PFKFB3: variants seen among roughly 807,000 people sequenced by gnomAD.
PFKFB3 encodes 6-phosphofructo-2-kinase/fructose-2,6-biphosphatase 3.
Under a neutral mutation model 68.0 loss-of-function variants are expected in PFKFB3, and 33 were observed. The ratio of observed to expected loss-of-function variants is 0.49; its 90% CI spans 0.37 to 0.65. The LOEUF is 0.65. Among genes scored for constraint, PFKFB3 ranks in the 30% least tolerant of loss-of-function variants. The probability of loss-of-function intolerance (pLI) is 0.00; values close to 1 mark genes in which losing one functional copy is unlikely to be tolerated. For missense variants in PFKFB3, 586 were observed against 712.2 expected, an observed-to-expected ratio of 0.82 and a Z score of 2.02; for synonymous variants, 315 against 288.2, an observed-to-expected ratio of 1.09 and a Z score of -0.94.
the PFKFB3 span, among the ~76,000 whole-genome samples, chr10:6,302,361 A>AGT: frequency 2.9e-5 from 1 of 34,634 alleles, no homozygotes; most frequent in African/African-American, 8.5e-5. Context: ...GTGCCTGGCC[A>AGT]GTTTTTTTTT....
At chr10:6,285,942 A>G in the PFKFB3 span, among the ~76,000 whole-genome samples, 3 of 148,052 alleles carry the variant, frequency 2.0e-5, no homozygotes, top group Non-Finnish European at 3.0e-5. Context: ...ACGTTTTAAA[A>G]TCCATTCATC....
At chr10:6,205,002 G>A (rs1394141343) in intron 1 of PFKFB3, among the ~76,000 whole-genome samples, 1 of 152,206 alleles carries the variant, frequency 6.6e-6, no homozygotes, top group African/African-American at 2.4e-5. Flanking sequence ...CTCCAGGCTT[G>A]GATCCTGATC....
intron 1 of PFKFB3, among the ~76,000 whole-genome samples, chr10:6,191,879 G>T (rs1222023597): frequency 6.6e-6 from 1 of 152,016 alleles, no homozygotes; most frequent in South Asian, 2.1e-4. Flanking sequence ...CTCTTTAGCC[G>T]TTTCTCGTAG....
intron 1 of PFKFB3, among the ~76,000 whole-genome samples, chr10:6,167,097 G>A (rs1842166515): frequency 6.6e-6 from 1 of 152,224 alleles, no homozygotes; most frequent in South Asian, 2.1e-4. Context: ...TGGGATTACA[G>A]GCGTGAGCCA....
At chr10:6,176,477 C>T (rs889885772) in intron 1 of PFKFB3, among the ~76,000 whole-genome samples, 8 of 152,132 alleles carry the variant, frequency 5.3e-5, no homozygotes, top group Non-Finnish European at 1.2e-4. Flanking sequence ...GGCCCATCAT[C>T]GCTCACTGCA....
chr10:6,248,513 C>T (rs1038050490), intron 14 of PFKFB3, among the ~76,000 whole-genome samples: 14 of 151,430 alleles, frequency 9.2e-5, no homozygotes, highest in African/African-American at 3.4e-4. Flanking sequence ...TCTATAATCC[C>T]AGCTACTCGG....
At chr10:6,293,025 A>T in the PFKFB3 span, 2 of 322,140 alleles carry the variant, frequency 6.2e-6, no homozygotes, top group Non-Finnish European at 6.2e-6. Context: ...AGAAAGCCTC[A>T]CGTGCAGAAT....
chr10:6,225,194 T>G (rs755207135), intron 13 of PFKFB3: 1 of 456,294 alleles, frequency 2.2e-6, no homozygotes, highest in South Asian at 1.5e-5. Context: ...CTAGTACTAG[T>G]CAGACCTTTC....
chr10:6,193,837 G>C (rs1263748833), intron 1 of PFKFB3, among the ~76,000 whole-genome samples: 1 of 152,186 alleles, frequency 6.6e-6, no homozygotes, highest in Non-Finnish European at 1.5e-5. Flanking sequence ...ACCTTCTTAA[G>C]GGTGGGGGAG....
chr10:6,177,468 C>CTTTCTTTCTTTCTTTCTTTCTT lies in PFKFB3; in HGVS notation c.16+32474_16+32475insCTTTTTCTTTCTTTCTTTCTTT, dbSNP rs1564599981. Among the ~76,000 whole-genome samples the CTTTCTTTCTTTCTTTCTTTCTT allele has an allele frequency of 2.3e-4, 28 of 120,738 alleles. 1 individual carries two copies. In the South Asian group the frequency reaches 6.8e-3, roughly 29 times the overall value. The allele number at this position is 120,738 out of a possible 152,430, so 79.2% of individuals were successfully genotyped here. ...TCTTTCTTTCTTTCTTTCTTTCTTT[C>CTTTCTTTCTTTCTTTCTTTCTT]TTTCTTTCTTTCTTTCTTTTTCTTT... is the stretch of plus-strand genomic sequence containing the variant. On this transcript the variant is annotated intron_variant, in intron 1 of 14. Coordinates refer to the PFKFB3 transcript ENST00000379789.
the PFKFB3 span, among the ~76,000 whole-genome samples, chr10:6,310,882 A>G: frequency 6.6e-6 from 1 of 152,232 alleles, no homozygotes; most frequent in African/African-American, 2.4e-5. Flanking sequence ...CCCTAATAGT[A>G]TATCTGCATC....
At chr10:6,219,811 T>A (rs184399884) in intron 7 of PFKFB3, 118 bp downstream of exon 7, 4 of 1,082,546 alleles carry the variant, frequency 3.7e-6, no homozygotes, top group Non-Finnish European at 5.3e-6. Flanking sequence ...TTAAGACAGT[T>A]TTTTTTGTAG....
the PFKFB3 span, among the ~76,000 whole-genome samples, chr10:6,287,085 T>G: frequency 1.3e-5 from 2 of 151,998 alleles, no homozygotes; most frequent in Non-Finnish European, 2.9e-5. Flanking sequence ...TAATACTGTT[T>G]TTTTGTTTTG....
At chr10:6,311,546 C>T in the PFKFB3 span, among the ~76,000 whole-genome samples, 4 of 151,992 alleles carry the variant, frequency 2.6e-5, no homozygotes, top group East Asian at 1.9e-4. Flanking sequence ...GTCAGGAGCT[C>T]GAGACCAGCC....
rs868335229 is a variant in PFKFB3 at position 6,206,721 on chromosome 10, A to G, written c.76+3385A>G. ...GGCAGAGATGCTCCTCACTGCCTAG[A>G]TGGGATGGCGGCCAGGAAGAGGCGC... is the stretch of plus-strand genomic sequence containing the variant. On this transcript the variant is annotated intron_variant, in intron 1 of 14. Transcript: ENST00000379775. Among the ~76,000 whole-genome samples the G allele has an allele frequency of 5.1e-3, 771 of 149,934 alleles. 5 individuals carry two copies. Among genetic ancestry groups the G allele is most frequent in the Middle Eastern group, 0.032 (9 of 282 alleles).
intron 13 of PFKFB3, chr10:6,224,512 A>T (rs751888400): frequency 3.8e-6 from 2 of 530,018 alleles, no homozygotes; most frequent in South Asian, 1.6e-5. Context: ...ACAGGGTCTC[A>T]GTCTGTTCCC....
At chr10:6,150,942 G>T (rs1471807448) in intron 1 of PFKFB3, among the ~76,000 whole-genome samples, 1 of 152,068 alleles carries the variant, frequency 6.6e-6, no homozygotes, top group Admixed American at 6.5e-5. Flanking sequence ...GGAGATTGCA[G>T]TGAGCCAAGA....
the PFKFB3 span, among the ~76,000 whole-genome samples, chr10:6,259,680 G>A: frequency 2.0e-5 from 3 of 152,006 alleles, no homozygotes; most frequent in Non-Finnish European, 4.4e-5. Flanking sequence ...TAATTATTGA[G>A]TGACTCTCAT....
At chr10:6,206,948 T>C (rs531076592) in intron 1 of PFKFB3, among the ~76,000 whole-genome samples, 2,765 of 141,302 alleles carry the variant, frequency 0.02, 81 homozygotes, top group Middle Eastern at 0.032. Flanking sequence ...CTCCTCACTT[T>C]CCAGACTGGG....
Sources: gnomAD v4.1 joint callset for allele counts (sites outside exome capture counted in the v4.1 genomes callset) on GRCh38, gnomAD v4.1.1 for gene constraint, MANE v1.5 for transcripts, NCBI Gene and HGNC (gene_info 2026-07-23, HGNC 2026-07-21) for gene names.